EPS15: variants seen among roughly 807,000 people sequenced by gnomAD.
The protein encoded by EPS15 is epidermal growth factor receptor pathway substrate 15, also known as epidermal growth factor receptor substrate 15.
In EPS15, 72 loss-of-function variants were observed where a neutral mutation model predicts 113.8. The observed-to-expected ratio is 0.63, with a 90% CI of 0.52 to 0.77. The LOEUF (loss-of-function observed/expected upper bound fraction) is 0.77. EPS15 is among the 30% of genes least tolerant of loss of function. The pLI is 0.00. For missense variants in EPS15, 1,048 were observed against 1,045.8 expected, an observed-to-expected ratio of 1.00 and a Z score of -0.03; for synonymous variants, 344 against 363.4, an observed-to-expected ratio of 0.95 and a Z score of 0.61.
intron 8 of EPS15, among the ~76,000 whole-genome samples, chr1:51,456,367 AAAAC>A (rs1455910490): frequency 6.6e-6 from 1 of 152,184 alleles, no homozygotes; most frequent in Non-Finnish European, 1.5e-5. Flanking sequence ...CGGGGTCTTT[AAAAC>A]AAACAAACAA....
chr1:51,446,456 T>TG (rs1653057668), intron 10 of EPS15, among the ~76,000 whole-genome samples: 1 of 150,054 alleles, frequency 6.7e-6, no homozygotes, highest in Non-Finnish European at 1.5e-5. Context: ...TGTCATTCTT[T>TG]TTTTTTTTTT....
At chr1:51,369,071 C>T (rs1359081905) in intron 21 of EPS15, among the ~76,000 whole-genome samples, 2 of 152,144 alleles carry the variant, frequency 1.3e-5, no homozygotes, top group Non-Finnish European at 2.9e-5. Context: ...AACATGTGTG[C>T]AATAGCCTCA....
chr1:51,409,588 G>T lies in EPS15; in HGVS notation c.1222C>A (p.Leu408Met). The T allele has an allele frequency of 1.9e-6, 3 of 1,614,000 alleles. No individual in the cohort carries two copies. The highest frequency in any genetic ancestry group is 2.5e-6 in the Non-Finnish European group (3 of 1,179,958). The change falls in exon 14 of 25, where the codon CTG becomes ATG. Residue 408 changes from leucine (L) to methionine (M), a missense_variant. Transcript: ENST00000371733. ...CTGACTTCCTTGAGTTGCTCCTCCA[G>T]CTGGGCTTTCTGCTCATCCAGTTCA... is the stretch of plus-strand genomic sequence containing the variant. ...LDELDEQKAQ[L>M]EEQLKEVRKK...
At chr1:51,440,248 G>C in intron 12 of EPS15, 99 bp downstream of exon 12, 1 of 450,538 alleles carries the variant, frequency 2.2e-6, no homozygotes, top group Non-Finnish European at 4.0e-6. Context: ...GTGTGTGTGG[G>C]GAGGAAGTTG....
At chr1:51,467,429 A>C (rs1268073636) in intron 5 of EPS15, among the ~76,000 whole-genome samples, 1 of 152,254 alleles carries the variant, frequency 6.6e-6, no homozygotes, top group Non-Finnish European at 1.5e-5. Flanking sequence ...ATAAACTAAA[A>C]GCCTATCAAT....
intron 5 of EPS15, 112 bp from the exon 6 acceptor site, chr1:51,465,438 G>T: frequency 1.6e-6 from 1 of 619,672 alleles, no homozygotes. Flanking sequence ...GGATCTCAAT[G>T]CACACAGGAC....
intron 9 of EPS15, among the ~76,000 whole-genome samples, chr1:51,447,725 T>C (rs1014559546): frequency 6.6e-6 from 1 of 152,306 alleles, no homozygotes; most frequent in Non-Finnish European, 1.5e-5. Context: ...TCCAGGGAGA[T>C]CAAAATAAAA....
At chr1:51,517,009 G>C (rs1228141269) in intron 1 of EPS15, among the ~76,000 whole-genome samples, 1 of 152,164 alleles carries the variant, frequency 6.6e-6, no homozygotes, top group Non-Finnish European at 1.5e-5. Flanking sequence ...GGTCAGTAAT[G>C]AATGTGAAAC....
chr1:51,456,815 A>C (rs562756639), intron 8 of EPS15, among the ~76,000 whole-genome samples: 42 of 152,350 alleles, frequency 2.8e-4, no homozygotes, highest in Non-Finnish European at 5.0e-4. Context: ...ATGTTGCTCT[A>C]TTTATTAAAG....
intron 10 of EPS15, among the ~76,000 whole-genome samples, chr1:51,445,904 A>T (rs941460930): frequency 6.6e-6 from 1 of 152,250 alleles, no homozygotes; most frequent in Non-Finnish European, 1.5e-5. Context: ...ATATATAAAA[A>T]GCTTAGGCAT....
intron 13 of EPS15, among the ~76,000 whole-genome samples, chr1:51,410,872 TTG>T (rs1437690585): frequency 1.3e-5 from 2 of 152,212 alleles, no homozygotes; most frequent in Non-Finnish European, 2.9e-5. Context: ...ATGTGCTAGG[TTG>T]TGCTCTAGGC....
At chr1:51,513,878 T>C (rs576406572) in intron 1 of EPS15, among the ~76,000 whole-genome samples, 1 of 152,200 alleles carries the variant, frequency 6.6e-6, no homozygotes, top group Non-Finnish European at 1.5e-5. Context: ...GTAGACACAA[T>C]CTTAGAACAC....
At chr1:51,486,861 G>A (rs562272712) in intron 1 of EPS15, among the ~76,000 whole-genome samples, 1 of 151,928 alleles carries the variant, frequency 6.6e-6, no homozygotes, top group Admixed American at 6.6e-5. Context: ...TAGAGACGGG[G>A]GCTTCATCAC....
At position 51,431,627 on chromosome 1, in the gene EPS15, C is replaced by T. The variant is rs183934463; in HGVS notation, c.1040+8720G>A. ...CGCCCGACTAATTTTTGTATTTTTACTAGAGACGGGGTTTCACCTTATTGG... is the reference window on the plus strand; with the variant it reads ...CGCCCGACTAATTTTTGTATTTTTATTAGAGACGGGGTTTCACCTTATTGG... On this transcript the variant is annotated intron_variant, in intron 12 of 24. Transcript: ENST00000371733. Among the ~76,000 whole-genome samples, 162 of 151,934 alleles carry T rather than the reference C, an allele frequency of 1.1e-3. 1 individual carries two copies. Among genetic ancestry groups the T allele is most frequent in the African/African-American group, 3.9e-3 (160 of 41,438 alleles).
Position 51,396,087 on chromosome 1 carries a change from C to CT in EPS15, c.2053-1641dup, listed in dbSNP as rs373236125. Among the ~76,000 whole-genome samples the CT allele has an allele frequency of 7.4e-3, 1,120 of 152,222 alleles. 13 individuals are homozygous for CT. Among genetic ancestry groups the CT allele is most frequent in the African/African-American group, 0.026 (1,076 of 41,544 alleles). On this transcript the variant is annotated intron_variant, in intron 20 of 24. Coordinates refer to ENST00000371733, the MANE Select transcript of EPS15 (RefSeq NM_001981.3). ...CTAATGAAGTTTTTAGAAATGAAAACTATGAATGATAAAAAGTAATGATAG... is the reference window on the plus strand; with the variant it reads ...CTAATGAAGTTTTTAGAAATGAAAACTTATGAATGATAAAAAGTAATGATAG...
At position 51,461,169 on chromosome 1, in the gene EPS15, G is replaced by GA; in HGVS notation, c.502-20dup. 6.5e-7 allele frequency: 1 copy of GA among 1,532,892 alleles called. No individual in the cohort carries two copies. The highest frequency in any genetic ancestry group is 9.0e-7 in the Non-Finnish European group (1 of 1,107,484). 95.0% of individuals were successfully genotyped at this position (1,532,892 alleles called of 1,614,324 possible). A position where few individuals can be genotyped will look rare whatever the true frequency, so the allele number is the denominator to read the frequency against. ...CCCAAACCTTAAAAAGAGAATAATTGAAAAAAGATTAATGTTCTTTCAGTT... is the reference window on the plus strand; with the variant it reads ...CCCAAACCTTAAAAAGAGAATAATTGAAAAAAAGATTAATGTTCTTTCAGTT... On this transcript the variant is annotated intron_variant, in intron 7 of 24. Transcript: ENST00000371733.
At position 51,445,042 on chromosome 1, in the gene EPS15, T is replaced by C. The variant is rs765730858; in HGVS notation, c.801A>G (p.Ser267=). 17 of 1,611,800 alleles carry C rather than the reference T, an allele frequency of 1.1e-5. No homozygotes were observed. The South Asian group carries it at 1.5e-4, about 15-fold the overall frequency. Residue 267 remains serine, a synonymous_variant, in exon 11 of 25, where the codon TCA becomes TCG. Transcript: ENST00000371733. ...TCCCACAGTCCTTTGTGTCGCATAATGACCTGCACAAATAAACAAAATGAA... is the reference window on the plus strand; with the variant it reads ...TCCCACAGTCCTTTGTGTCGCATAACGACCTGCACAAATAAACAAAATGAA... ...LPSTLLAHIW[S]LCDTKDCGKL...
intron 19 of EPS15, among the ~76,000 whole-genome samples, chr1:51,399,542 C>T (rs1199580787): frequency 6.7e-6 from 1 of 149,396 alleles, no homozygotes; most frequent in Non-Finnish European, 1.5e-5. Context: ...CAGTGAGACC[C>T]TGTCTCAAAA....
At chr1:51,463,434 A>G in intron 7 of EPS15, 1 of 334,510 alleles carries the variant, frequency 3.0e-6, no homozygotes, top group Non-Finnish European at 5.4e-6. Flanking sequence ...AAAAGGACCT[A>G]CTTAAGGGGC....
Sources: allele counts gnomAD v4.1 joint callset (sites outside exome capture counted in the v4.1 genomes callset), GRCh38; gene constraint gnomAD v4.1.1; transcripts MANE v1.5; gene names NCBI Gene and HGNC (gene_info 2026-07-23, HGNC 2026-07-21).